The following PDXDC1 variants were observed in gnomAD, a reference collection of about 807,000 sequenced individuals.
The protein encoded by PDXDC1 is pyridoxal dependent decarboxylase domain containing 1, also known as pyridoxal-dependent decarboxylase domain-containing protein 1.
PDXDC1 carries 42 observed loss-of-function variants against 100.1 expected under a neutral mutation model. The ratio of observed to expected loss-of-function variants is 0.42; its 90% CI spans 0.33 to 0.54. The LOEUF is 0.54. Among genes scored for constraint, PDXDC1 ranks in the 20% least tolerant of loss-of-function variants. The pLI is 0.10. For missense variants in PDXDC1, 636 were observed against 979.2 expected (o/e 0.65, Z 4.68); for synonymous variants, 260 against 371.7 (o/e 0.70, Z 3.46).
chr16:15,071,036 A>G, intron 16 of PDXDC1: 1 of 1,200,872 alleles, frequency 8.3e-7, no homozygotes, highest in Non-Finnish European at 1.2e-6. Context: ...GCCAAAAAAA[A>G]TGGGAGATAT....
At chr16:15,011,631 C>CTTTTTTTTTTTTTTTTTTTTTGTTTTT in intron 8 of PDXDC1, among the ~76,000 whole-genome samples, 2 of 131,276 alleles carry the variant, frequency 1.5e-5, no homozygotes, top group Non-Finnish European at 1.6e-5. Flanking sequence ...ACATTTTTTT[C>CTTTTTTTTTTTTTTTTTTTTTGTTTTT]TTTTTTTTTT....
intron 16 of PDXDC1, among the ~76,000 whole-genome samples, chr16:15,098,403 G>A (rs566018532): frequency 6.6e-6 from 1 of 151,820 alleles, no homozygotes; most frequent in East Asian, 2.0e-4. Flanking sequence ...GTTTCTCCAT[G>A]TTGCCCAGGC....
chr16:15,012,024 T>A (rs370512470), intron 8 of PDXDC1, among the ~76,000 whole-genome samples: 527 of 152,256 alleles, frequency 3.5e-3, no homozygotes, highest in African/African-American at 0.012. Flanking sequence ...CCCCAGAAGC[T>A]ACAAAACATT....
In PDXDC1 at chr16:15,036,455, C is replaced by G. The variant is rs1376896643; in HGVS notation, c.*180C>G. On this transcript the variant is annotated 3_prime_UTR_variant, in exon 23 of 23. Coordinates refer to ENST00000396410, the MANE Select transcript of PDXDC1 (RefSeq NM_015027.4). ...CTAGGAGGGGAGTCAGCTTGTCTAACTTCATGTACATGTAGAACCACGTTT... is the reference window on the plus strand; with the variant it reads ...CTAGGAGGGGAGTCAGCTTGTCTAAGTTCATGTACATGTAGAACCACGTTT... 1 of 570,330 alleles carries G rather than the reference C, an allele frequency of 1.8e-6. No individual in the cohort carries two copies. The allele number at this position is 570,330 out of a possible 1,614,324, so 35.3% of individuals were successfully genotyped here.
chr16:15,064,741 C>T (rs2044883368), intron 16 of PDXDC1, among the ~76,000 whole-genome samples: 1 of 152,260 alleles, frequency 6.6e-6, no homozygotes, highest in Admixed American at 6.5e-5. Flanking sequence ...TCCTGCTAGG[C>T]ATCCTCTACT....
intron 11 of PDXDC1, among the ~76,000 whole-genome samples, chr16:15,018,631 GC>G (rs1373628752): frequency 6.6e-6 from 1 of 152,198 alleles, no homozygotes; most frequent in Admixed American, 6.5e-5. Flanking sequence ...CCACTCCTGA[GC>G]TGTGAACCCT....
Position 15,104,463 on chromosome 16 carries a change from GCAGACA to G in PDXDC1, c.1400-34413_1400-34408del, listed in dbSNP as rs1196780090. On this transcript the variant is annotated intron_variant, in intron 16 of 16. Coordinates refer to the PDXDC1 transcript ENST00000535621. ...GGAGCTGAGGGTGGAAGGGGAGTGAGCAGACACACTCGGGAGGTGTCTTGAGATTAT... is the reference window on the plus strand; with the variant it reads ...GGAGCTGAGGGTGGAAGGGGAGTGAGCACTCGGGAGGTGTCTTGAGATTAT... 2 of 677,732 alleles carry G rather than the reference GCAGACA, an allele frequency of 3.0e-6. 1 individual carries two copies. Among genetic ancestry groups the G allele is most frequent in the South Asian group, 4.5e-5 (2 of 44,026 alleles). The allele number at this position is 677,732 out of a possible 1,614,324, so 42.0% of individuals were successfully genotyped here.
rs560201472 is a variant in PDXDC1, at chr16:15,080,105, G to A, written c.1399+50049G>A. The A allele has an allele frequency of 2.3e-4, 369 of 1,589,400 alleles. 5 individuals are homozygous for A. In the South Asian group the frequency reaches 4.2e-3, roughly 18 times the overall value. ...TTATGAACGTAACATTCCTAAAGGAGAAAATGTAAGATAAAACATTTCAAC... is the reference window on the plus strand; with the variant it reads ...TTATGAACGTAACATTCCTAAAGGAAAAAATGTAAGATAAAACATTTCAAC... On this transcript the variant is annotated intron_variant, in intron 16 of 16. Transcript: ENST00000535621.
rs771372490 is a variant in PDXDC1 at position 15,128,101 on chromosome 16, G to A, written c.1400-10778G>A. ...TGTGTGCCGTCTGCAGGTCCCTGAT[G>A]ATGACGTGCTGCAGGAACCAGGCAG... On this transcript the variant is annotated intron_variant, in intron 16 of 16. Transcript: ENST00000535621. 1.4e-5 allele frequency: 22 copies of A among 1,607,760 alleles called. No homozygotes were observed. In the South Asian group the frequency reaches 1.6e-4, roughly 12 times the overall value.
chr16:15,086,557 A>C (rs2151815616), intron 16 of PDXDC1: 1 of 1,503,172 alleles, frequency 6.7e-7, no homozygotes, highest in African/African-American at 1.4e-5. Context: ...GGTTGGGGGG[A>C]AAAGGTCACA....
rs1209739051 is a variant in PDXDC1, at chr16:15,131,471, G to A, written c.1400-7408G>A. ...ATGGAGAAGTGGCAGCCAGGCCCTGGGGCGCCGCCATAGCACAGCAGGCTC... is the reference window on the plus strand; with the variant it reads ...ATGGAGAAGTGGCAGCCAGGCCCTGAGGCGCCGCCATAGCACAGCAGGCTC... On this transcript the variant is annotated intron_variant, in intron 16 of 16. Coordinates refer to the PDXDC1 transcript ENST00000535621. 12 of 1,607,578 alleles carry A rather than the reference G, an allele frequency of 7.5e-6. No individual in the cohort carries two copies. The Admixed American group carries it at 1.2e-4, about 16-fold the overall frequency.
intron 16 of PDXDC1, among the ~76,000 whole-genome samples, chr16:15,085,373 A>G (rs1254194805): frequency 1.3e-5 from 2 of 152,130 alleles, no homozygotes; most frequent in African/African-American, 4.8e-5. Flanking sequence ...CAGGGCTTGA[A>G]CTCCTGGGCT....
chr16:15,133,122 C>T (rs377290171), intron 16 of PDXDC1: 27 of 652,822 alleles, frequency 4.1e-5, no homozygotes, highest in Admixed American at 2.0e-4. Flanking sequence ...GGGAGCGGAA[C>T]GTCGGGGTGC....
chr16:15,019,474 T>G (rs1250176629), intron 12 of PDXDC1, among the ~76,000 whole-genome samples: 1 of 152,298 alleles, frequency 6.6e-6, no homozygotes, highest in Non-Finnish European at 1.5e-5. Context: ...TATATTTCAG[T>G]GTTTTAGAGC....
downstream of PDXDC1, among the ~76,000 whole-genome samples, chr16:15,143,421 C>G (rs542192943): frequency 2.0e-5 from 3 of 152,338 alleles, no homozygotes; most frequent in East Asian, 5.8e-4. Flanking sequence ...CCTGCCGGCC[C>G]GAGGTATCTG....
At chr16:15,101,038 T>A (rs916628382) in intron 16 of PDXDC1, among the ~76,000 whole-genome samples, 10 of 152,192 alleles carry the variant, frequency 6.6e-5, no homozygotes, top group Non-Finnish European at 1.0e-4. Flanking sequence ...CTCTATTACT[T>A]TGGGCAATTG....
chr16:15,146,069 G>A, the PDXDC1 span, among the ~76,000 whole-genome samples: 1 of 152,136 alleles, frequency 6.6e-6, no homozygotes, highest in East Asian at 1.9e-4. Context: ...ACCCAGGGAG[G>A]GGCTTGCAGA....
intron 1 of PDXDC1, among the ~76,000 whole-genome samples, chr16:14,985,537 G>A (rs1457577568): frequency 2.6e-5 from 4 of 152,190 alleles, no homozygotes; most frequent in African/African-American, 4.8e-5. Context: ...CACCTGCCTC[G>A]GCCTCCCAAA....
chr16:15,117,372 A>G (rs62039536), intron 16 of PDXDC1, among the ~76,000 whole-genome samples: 77,958 of 134,262 alleles, frequency 0.58, 25,044 homozygotes, highest in Non-Finnish European at 0.7. Flanking sequence ...TTAAGGTTAT[A>G]TATTTTGGCC....
Sources: allele counts gnomAD v4.1 joint callset (sites outside exome capture counted in the v4.1 genomes callset), GRCh38; gene constraint gnomAD v4.1.1; transcripts MANE v1.5; gene names NCBI Gene and HGNC (gene_info 2026-07-23, HGNC 2026-07-21).